The following CDC42SE2 variants were observed in gnomAD, a reference collection of about 807,000 sequenced individuals.
The protein encoded by CDC42SE2 is CDC42 small effector protein 2.
Under a neutral mutation model 11.5 loss-of-function variants are expected in CDC42SE2, and 3 were observed. The ratio of observed to expected loss-of-function variants is 0.26; its 90% CI spans 0.12 to 0.67. The LOEUF (loss-of-function observed/expected upper bound fraction) is 0.67. Among genes scored for constraint, CDC42SE2 ranks in the 30% least tolerant of loss-of-function variants. The pLI, the probability that CDC42SE2 is intolerant of heterozygous loss-of-function variation, is 0.80. For missense variants in CDC42SE2, 82 were observed against 106.8 expected (o/e 0.77, Z 1.02); for synonymous variants, 33 against 34.8 (o/e 0.95, Z 0.18).
chr5:131,322,997 C>G (rs79173977), intron 2 of CDC42SE2, among the ~76,000 whole-genome samples: 26 of 152,000 alleles, frequency 1.7e-4, no homozygotes, highest in Non-Finnish European at 3.7e-4. Flanking sequence ...TAGTAGCCAT[C>G]CTAAGGGGTG....
At chr5:131,306,500 T>A (rs969576750) in intron 1 of CDC42SE2, among the ~76,000 whole-genome samples, 2 of 152,186 alleles carry the variant, frequency 1.3e-5, no homozygotes, top group African/African-American at 2.4e-5. Flanking sequence ...TACTATAGTT[T>A]GTAGTAGATT....
At chr5:131,228,552 A>C in the CDC42SE2 span, among the ~76,000 whole-genome samples, 2 of 152,188 alleles carry the variant, frequency 1.3e-5, no homozygotes, top group Admixed American at 6.5e-5. Flanking sequence ...AAGACACATG[A>C]CTCTAAAAGT....
At chr5:131,327,196 C>G (rs1758317747) in intron 2 of CDC42SE2, among the ~76,000 whole-genome samples, 1 of 151,924 alleles carries the variant, frequency 6.6e-6, no homozygotes, top group Non-Finnish European at 1.5e-5. Flanking sequence ...GATGATTGCC[C>G]TTTAGACCCA....
chr5:131,372,645 G>A (rs192391152), intron 3 of CDC42SE2, among the ~76,000 whole-genome samples: 38 of 152,012 alleles, frequency 2.5e-4, no homozygotes, highest in Middle Eastern at 3.4e-3. Context: ...CCTGGGAGGC[G>A]GAGGTTGCAG....
chr5:131,292,404 C>T (rs2149709972), intron 1 of CDC42SE2, among the ~76,000 whole-genome samples: 1 of 147,352 alleles, frequency 6.8e-6, no homozygotes, highest in African/African-American at 2.5e-5. Flanking sequence ...CCCATCTCTA[C>T]TAAAAATACA....
chr5:131,321,945 G>C (rs1187399056), intron 2 of CDC42SE2, among the ~76,000 whole-genome samples: 3 of 152,100 alleles, frequency 2.0e-5, no homozygotes, highest in Non-Finnish European at 2.9e-5. Flanking sequence ...CCGCCTCCCG[G>C]GTTCATGCCA....
At chr5:131,249,218 A>G (rs994441039) in intron 1 of CDC42SE2, among the ~76,000 whole-genome samples, 1 of 151,576 alleles carries the variant, frequency 6.6e-6, no homozygotes, top group Non-Finnish European at 1.5e-5. Flanking sequence ...GGGTTTCACC[A>G]TGTTAACTAG....
chr5:131,349,248 A>G (rs1041704074), intron 2 of CDC42SE2, among the ~76,000 whole-genome samples: 5 of 151,020 alleles, frequency 3.3e-5, no homozygotes, highest in Non-Finnish European at 7.4e-5. Flanking sequence ...GCAAGGACAG[A>G]AAACCAGACA....
chr5:131,281,500 G>C (rs528376962), intron 1 of CDC42SE2, among the ~76,000 whole-genome samples: 1 of 152,268 alleles, frequency 6.6e-6, no homozygotes, highest in South Asian at 2.1e-4. Flanking sequence ...ACAAATTCTA[G>C]AAAAGTGTTT....
At chr5:131,360,400 G>A (rs1291245371) in intron 3 of CDC42SE2, among the ~76,000 whole-genome samples, 2 of 151,920 alleles carry the variant, frequency 1.3e-5, no homozygotes, top group South Asian at 2.1e-4. Context: ...GATTACAGGC[G>A]TGAGCCACTG....
the CDC42SE2 span, among the ~76,000 whole-genome samples, chr5:131,210,179 C>T: frequency 1.3e-5 from 2 of 152,182 alleles, no homozygotes; most frequent in Non-Finnish European, 2.9e-5. Flanking sequence ...CCAATTAAAC[C>T]TCTTTTCTTT....
chr5:131,337,350 C>T (rs756048993), intron 2 of CDC42SE2, among the ~76,000 whole-genome samples: 7 of 152,254 alleles, frequency 4.6e-5, no homozygotes, highest in South Asian at 2.1e-4. Flanking sequence ...GAGGAGTACC[C>T]GGCCACATGA....
chr5:131,300,726 T>A (rs1401000366), intron 1 of CDC42SE2, among the ~76,000 whole-genome samples: 2 of 148,216 alleles, frequency 1.3e-5, no homozygotes, highest in Non-Finnish European at 3.0e-5. Flanking sequence ...GAGCTTGCTG[T>A]GAGCCGAGAT....
At chr5:131,333,090 T>C (rs976451757) in intron 2 of CDC42SE2, among the ~76,000 whole-genome samples, 7 of 152,252 alleles carry the variant, frequency 4.6e-5, no homozygotes, top group Non-Finnish European at 8.8e-5. Context: ...CTAGGGTTTT[T>C]ATGGTTTTAG....
the CDC42SE2 span, among the ~76,000 whole-genome samples, chr5:131,232,734 C>CAAA: frequency 6.9e-4 from 29 of 42,078 alleles, 1 homozygote; most frequent in African/African-American, 2.3e-3. Flanking sequence ...GACTCGGTCT[C>CAAA]AAAAAAAAAA....
Position 131,392,736 on chromosome 5 carries a change from C to A in CDC42SE2, c.*1645C>A, listed in dbSNP as rs1412076579. On this transcript the variant is annotated 3_prime_UTR_variant, in exon 5 of 5. Transcript: ENST00000505065. ...CATCTTATTAATTAGCTGTTCGTTT[C>A]TTTGTGCACTCATTCTTTTATTTTT... 1 of 152,310 alleles carries A rather than the reference C, an allele frequency of 6.6e-6. No homozygotes were observed. Among genetic ancestry groups the A allele is most frequent in the Non-Finnish European group, 1.5e-5 (1 of 68,036 alleles). The allele number at this position is 152,310 out of a possible 1,614,324, so 9.4% of individuals were successfully genotyped here.
the CDC42SE2 span, among the ~76,000 whole-genome samples, chr5:131,221,578 G>A: frequency 1.3e-5 from 2 of 151,280 alleles, no homozygotes; most frequent in Admixed American, 6.6e-5. Context: ...ATATTCTCTT[G>A]TGTGAGCACA....
chr5:131,282,721 C>A (rs1014623179), intron 1 of CDC42SE2, among the ~76,000 whole-genome samples: 1 of 151,908 alleles, frequency 6.6e-6, no homozygotes, highest in Admixed American at 6.6e-5. Context: ...CTCCGCCTCC[C>A]GGGTTCATGC....
At chr5:131,279,458 C>A (rs1398279154) in intron 1 of CDC42SE2, among the ~76,000 whole-genome samples, 1 of 143,770 alleles carries the variant, frequency 7.0e-6, no homozygotes, top group Non-Finnish European at 1.5e-5. Flanking sequence ...CCCTCCCCCC[C>A]CCCCTTTCAG....
Sources: gnomAD v4.1 joint callset for allele counts (sites outside exome capture counted in the v4.1 genomes callset) on GRCh38, gnomAD v4.1.1 for gene constraint, MANE v1.5 for transcripts, NCBI Gene and HGNC (gene_info 2026-07-23, HGNC 2026-07-21) for gene names.